The following NELL2 variants were observed in gnomAD, a reference collection of about 807,000 sequenced individuals.
NELL2 encodes protein kinase C-binding protein NELL2.
In NELL2, 41 loss-of-function variants were observed where a neutral mutation model predicts 109.6. The observed-to-expected ratio is 0.37, with a 90% CI of 0.29 to 0.49. The LOEUF is 0.49. NELL2 is among the 20% of genes least tolerant of loss of function. The probability of loss-of-function intolerance (pLI) is 0.98; values close to 1 mark genes in which losing one functional copy is unlikely to be tolerated. For synonymous variants in NELL2, 355 were observed against 344.7 expected (o/e 1.03, Z -0.33); for missense variants, 900 against 1,008.3 (o/e 0.89, Z 1.45).
At position 44,876,048 on chromosome 12, in the gene NELL2, C is replaced by A. The variant is rs966248100; in HGVS notation, c.-179G>T. 6 of 1,470,076 alleles carry A rather than the reference C, an allele frequency of 4.1e-6. No homozygotes were observed. In the African/African-American group the frequency reaches 4.2e-5, roughly 10 times the overall value. 91.1% of individuals were successfully genotyped at this position (1,470,076 alleles called of 1,614,324 possible). On this transcript the variant is annotated 5_prime_UTR_variant, in exon 1 of 20. Coordinates refer to ENST00000429094, the MANE Select transcript of NELL2 (RefSeq NM_001145108.2). ...GAAAGAAAAGGGAGGCCTCCCCAGG[C>A]GCGTGAAGAACTTAGACCCTCCAAT... is the stretch of plus-strand genomic sequence containing the variant.
intron 13 of NELL2, among the ~76,000 whole-genome samples, chr12:44,635,194 T>A (rs1171103412): frequency 6.6e-6 from 1 of 152,098 alleles, no homozygotes; most frequent in African/African-American, 2.4e-5. Context: ...CCTTTGTCAG[T>A]TGGATAGATT....
chr12:44,603,323 A>T (rs911555968), intron 15 of NELL2, among the ~76,000 whole-genome samples: 31 of 151,998 alleles, frequency 2.0e-4, no homozygotes, highest in African/African-American at 7.5e-4. Context: ...TTTTAATTTG[A>T]TTTAAGTCAG....
chr12:44,917,706 G>T (rs1945838849), upstream of NELL2, among the ~76,000 whole-genome samples: 1 of 152,204 alleles, frequency 6.6e-6, no homozygotes, highest in Admixed American at 6.5e-5. Flanking sequence ...AGCTTGTCCT[G>T]GGTGGGCCCT....
chr12:44,637,726 G>A (rs1446320850), intron 13 of NELL2, among the ~76,000 whole-genome samples: 1 of 151,114 alleles, frequency 6.6e-6, no homozygotes, highest in Non-Finnish European at 1.5e-5. Context: ...GAGACCAAAT[G>A]CAACAACCTC....
At chr12:44,667,932 T>C (rs144611422) in intron 12 of NELL2, among the ~76,000 whole-genome samples, 45 of 152,260 alleles carry the variant, frequency 3.0e-4, no homozygotes, top group African/African-American at 8.4e-4. Context: ...CTAGAATCCA[T>C]AGGATGGCAT....
intron 13 of NELL2, among the ~76,000 whole-genome samples, chr12:44,652,762 C>T (rs765746291): frequency 3.9e-5 from 6 of 152,130 alleles, no homozygotes; most frequent in Admixed American, 1.3e-4. Flanking sequence ...GTCAGAAGTC[C>T]AACATACATC....
intron 15 of NELL2, among the ~76,000 whole-genome samples, chr12:44,568,791 A>G (rs1180430409): frequency 6.6e-6 from 1 of 152,104 alleles, no homozygotes; most frequent in Non-Finnish European, 1.5e-5. Flanking sequence ...ATATATACAC[A>G]TACATATATA....
chr12:44,668,262 C>T (rs1027096499), intron 12 of NELL2, among the ~76,000 whole-genome samples: 154 of 152,124 alleles, frequency 1.0e-3, no homozygotes, highest in African/African-American at 2.7e-4. Flanking sequence ...GAAGCCAAAG[C>T]GTACCCTCCC....
chr12:44,843,060 C>T (rs572815994), intron 2 of NELL2, among the ~76,000 whole-genome samples: 1 of 151,748 alleles, frequency 6.6e-6, no homozygotes, highest in Non-Finnish European at 1.5e-5. Flanking sequence ...TTACAGCAGC[C>T]CTAGGAAACC....
At chr12:44,652,325 ATATAT>A (rs1947329096) in intron 13 of NELL2, among the ~76,000 whole-genome samples, 1 of 152,196 alleles carries the variant, frequency 6.6e-6, no homozygotes, top group Non-Finnish European at 1.5e-5. Flanking sequence ...CATTTATTTT[ATATAT>A]TATATGTTGG....
At chr12:44,912,703 C>T (rs752303244) in intron 1 of NELL2, among the ~76,000 whole-genome samples, 1 of 152,090 alleles carries the variant, frequency 6.6e-6, no homozygotes, top group Non-Finnish European at 1.5e-5. Flanking sequence ...GCATAAAAGT[C>T]CACGAGCCTT....
chr12:44,561,792 C>G (rs990126929), intron 15 of NELL2, among the ~76,000 whole-genome samples: 1 of 152,144 alleles, frequency 6.6e-6, no homozygotes, highest in East Asian at 1.9e-4. Flanking sequence ...CTGCCATTGA[C>G]TTTTTTCACA....
At chr12:44,773,399 CT>C (rs1427335298) in intron 9 of NELL2, among the ~76,000 whole-genome samples, 7 of 152,012 alleles carry the variant, frequency 4.6e-5, no homozygotes, top group Non-Finnish European at 1.0e-4. Context: ...TGGCGTGAAC[CT>C]GGAAGGCGGA....
chr12:44,622,553 C>T (rs1946097492), intron 13 of NELL2, among the ~76,000 whole-genome samples: 1 of 152,016 alleles, frequency 6.6e-6, no homozygotes, highest in South Asian at 2.1e-4. Flanking sequence ...AAAAGTACCT[C>T]AAAACAAAAT....
chr12:44,809,790 C>T (rs1202486069), intron 3 of NELL2, among the ~76,000 whole-genome samples: 1 of 152,020 alleles, frequency 6.6e-6, no homozygotes, highest in Non-Finnish European at 1.5e-5. Flanking sequence ...GATCATCTGC[C>T]CTTCCTACTT....
chr12:44,568,596 T>A (rs1943747743), intron 15 of NELL2, among the ~76,000 whole-genome samples: 1 of 152,096 alleles, frequency 6.6e-6, no homozygotes, highest in East Asian at 1.9e-4. Flanking sequence ...GAGGGATATG[T>A]ATATAATAAT....
At chr12:44,763,708 T>A (rs184806907) in intron 9 of NELL2, among the ~76,000 whole-genome samples, 11 of 152,228 alleles carry the variant, frequency 7.2e-5, no homozygotes, top group African/African-American at 2.6e-4. Flanking sequence ...TAAAATAACT[T>A]CAAGAATCAA....
At chr12:44,775,503 T>C (rs1175521882) in intron 8 of NELL2, among the ~76,000 whole-genome samples, 1 of 152,196 alleles carries the variant, frequency 6.6e-6, no homozygotes, top group Non-Finnish European at 1.5e-5. Flanking sequence ...CAATAAAATA[T>C]TCTACTTCAT....
intron 12 of NELL2, among the ~76,000 whole-genome samples, chr12:44,695,038 G>C (rs1172650890): frequency 6.7e-6 from 1 of 148,232 alleles, no homozygotes; most frequent in Non-Finnish European, 1.5e-5. Context: ...AAAAAATGAA[G>C]GAAGGAAGAA....
Sources: gnomAD v4.1 joint callset for allele counts (sites outside exome capture counted in the v4.1 genomes callset) on GRCh38, gnomAD v4.1.1 for gene constraint, MANE v1.5 for transcripts, NCBI Gene and HGNC (gene_info 2026-07-23, HGNC 2026-07-21) for gene names.